Variants in NRXN3 observed in about 807,000 individuals in gnomAD.
The protein encoded by NRXN3 is neurexin 3.
Under a neutral mutation model 137.6 loss-of-function variants are expected in NRXN3, and 32 were observed. That is an observed-to-expected ratio of 0.23 (90% CI 0.18 to 0.31). The LOEUF (loss-of-function observed/expected upper bound fraction) is 0.31, where lower values mean the gene tolerates loss of function less well. NRXN3 is among the 10% of genes least tolerant of loss of function. The probability of loss-of-function intolerance (pLI) is 1.00; values close to 1 mark genes in which losing one functional copy is unlikely to be tolerated. For synonymous variants in NRXN3, 798 were observed against 784.5 expected (o/e 1.02, Z -0.29); for missense variants, 1,574 against 2,062.5 (o/e 0.76, Z 4.59).
At chr14:78,439,983 C>T (rs2094191704) in intron 4 of NRXN3, among the ~76,000 whole-genome samples, 1 of 152,242 alleles carries the variant, frequency 6.6e-6, no homozygotes. Context: ...TTCCTTTTGG[C>T]TGGAATCTTT....
chr14:79,833,035 A>T (rs1439082943), intron 20 of NRXN3, among the ~76,000 whole-genome samples: 1 of 152,150 alleles, frequency 6.6e-6, no homozygotes, highest in Non-Finnish European at 1.5e-5. Flanking sequence ...AATATAGATA[A>T]AGGAAATTGG....
intron 15 of NRXN3, among the ~76,000 whole-genome samples, chr14:79,257,346 G>T (rs1212030763): frequency 1.9e-5 from 1 of 54,006 alleles, no homozygotes; most frequent in Non-Finnish European, 3.7e-5. Flanking sequence ...CTTATTCCTG[G>T]TGGTGGTGGT....
At position 78,803,835 on chromosome 14, in the gene NRXN3, A is replaced by C. The variant is rs1297354821; in HGVS notation, c.2248+12A>C. 5.6e-6 allele frequency: 9 copies of C among 1,609,786 alleles called. No homozygotes were observed. The highest frequency in any genetic ancestry group is 7.6e-6 in the Non-Finnish European group (9 of 1,178,056). Reference sequence around the variant, plus strand: ...CATGGTTAACTTAGGTATCGTATGAAGTACCCTCTGCCACTTCGTTTGGGC... The same window carrying C: ...CATGGTTAACTTAGGTATCGTATGACGTACCCTCTGCCACTTCGTTTGGGC... On this transcript the variant is annotated intron_variant, in intron 9 of 20. Coordinates refer to ENST00000335750, the MANE Select transcript of NRXN3 (RefSeq NM_001330195.2).
At chr14:78,562,467 T>C (rs950794909) in intron 4 of NRXN3, among the ~76,000 whole-genome samples, 2 of 151,294 alleles carry the variant, frequency 1.3e-5, no homozygotes, top group African/African-American at 4.9e-5. Flanking sequence ...TTAACTGGCT[T>C]GGCAGCTTCT....
chr14:79,408,771 ACT>A, intron 15 of NRXN3, among the ~76,000 whole-genome samples: 1 of 151,424 alleles, frequency 6.6e-6, no homozygotes, highest in Non-Finnish European at 1.5e-5. Flanking sequence ...TCATCCCTAA[ACT>A]CTGTCCCTCT....
chr14:79,715,238 C>T (rs187231683), intron 19 of NRXN3, among the ~76,000 whole-genome samples: 15 of 152,304 alleles, frequency 9.8e-5, no homozygotes, highest in African/African-American at 2.6e-4. Flanking sequence ...CAGGCGTGAG[C>T]CACTGTGCCC....
intron 19 of NRXN3, among the ~76,000 whole-genome samples, chr14:79,788,955 A>G (rs545626119): frequency 6.6e-6 from 1 of 152,194 alleles, no homozygotes; most frequent in African/African-American, 2.4e-5. Flanking sequence ...CCAAAACATA[A>G]AGTTATGAAC....
At chr14:79,426,847 A>G (rs2095661577) in intron 15 of NRXN3, among the ~76,000 whole-genome samples, 1 of 152,224 alleles carries the variant, frequency 6.6e-6, no homozygotes, top group Non-Finnish European at 1.5e-5. Flanking sequence ...GCTATAAAAT[A>G]TCCTTACTCT....
intron 15 of NRXN3, among the ~76,000 whole-genome samples, chr14:79,112,176 T>G (rs1333470711): frequency 6.6e-6 from 1 of 152,186 alleles, no homozygotes; most frequent in Non-Finnish European, 1.5e-5. Context: ...CTATTAATCT[T>G]AAATGTTCCA....
At chr14:78,492,135 A>G (rs529030769) in intron 4 of NRXN3, among the ~76,000 whole-genome samples, 97 of 152,294 alleles carry the variant, frequency 6.4e-4, no homozygotes, top group African/African-American at 2.3e-3. Context: ...AATAGATATG[A>G]CATACATTAT....
intron 4 of NRXN3, among the ~76,000 whole-genome samples, chr14:78,314,097 A>G (rs1177484061): frequency 6.6e-6 from 1 of 152,172 alleles, no homozygotes; most frequent in East Asian, 1.9e-4. Context: ...GTCTGTACCA[A>G]ATGCCACTTA....
rs577790670 is a variant in NRXN3, at chr14:79,453,467, G to T, written c.3263-13754G>T. ...TTCTGGCTGAAGGCCAGAGAGAAAG[G>T]CAAGTAGCTGTATATTCAGTGGGTG... is the stretch of plus-strand genomic sequence containing the variant. On this transcript the variant is annotated intron_variant, in intron 15 of 20. Transcript: ENST00000335750. Among the ~76,000 whole-genome samples the T allele has an allele frequency of 4.6e-5, 7 of 152,314 alleles. No homozygotes were observed. In the South Asian group the frequency reaches 6.2e-4, roughly 14 times the overall value.
At chr14:78,893,152 A>T (rs1018841895) in intron 10 of NRXN3, among the ~76,000 whole-genome samples, 3 of 151,810 alleles carry the variant, frequency 2.0e-5, no homozygotes, top group Admixed American at 6.6e-5. Flanking sequence ...CCCCTGGGTC[A>T]GCCTGTATAT....
intron 15 of NRXN3, among the ~76,000 whole-genome samples, chr14:79,051,017 A>G (rs978127574): frequency 6.6e-6 from 1 of 152,190 alleles, no homozygotes; most frequent in Non-Finnish European, 1.5e-5. Context: ...ACAATATCCT[A>G]TGAGGGGATA....
intron 15 of NRXN3, among the ~76,000 whole-genome samples, chr14:79,208,414 G>T (rs1450794394): frequency 1.3e-5 from 2 of 151,914 alleles, no homozygotes; most frequent in African/African-American, 4.8e-5. Flanking sequence ...TTATTTTCTT[G>T]GCCAAAAGGG....
rs1444933403 is a variant in NRXN3 at position 78,966,365 on chromosome 14, T to C, written c.2736T>C (p.Ser912=). Residue 912 remains serine (S), a synonymous_variant, in exon 12 of 21, where the codon AGT becomes AGC. Transcript: ENST00000335750. ...TSPDGFILFN[S]GDGNDFIAVE... ...CAGATGGCTTCATTCTCTTCAATAG[T>C]GGTGATGGCAATGACTTCATTGCAG... The C allele has an allele frequency of 1.2e-6, 2 of 1,614,036 alleles. No individual in the cohort carries two copies. The highest frequency in any genetic ancestry group is 1.7e-6 in the Non-Finnish European group (2 of 1,179,926).
At position 79,175,448 on chromosome 14, in the gene NRXN3, T is replaced by A. The variant is rs184741780; in HGVS notation, c.3262+187307T>A. 5.2e-3 allele frequency among the ~76,000 whole-genome samples: 790 copies of A among 152,320 alleles called. 7 individuals are homozygous for A. The highest frequency in any genetic ancestry group is 0.018 in the African/African-American group (764 of 41,570). ...ATCACCAATCCTTTTCAGAGAAAAA[T>A]TTTATAAACTTACAAGTATCCATTG... On this transcript the variant is annotated intron_variant, in intron 15 of 20. Coordinates refer to ENST00000335750, the MANE Select transcript of NRXN3 (RefSeq NM_001330195.2).
chr14:79,022,855 C>T (rs2099591908), intron 15 of NRXN3, among the ~76,000 whole-genome samples: 1 of 152,130 alleles, frequency 6.6e-6, no homozygotes, highest in Admixed American at 6.6e-5. Flanking sequence ...TAATCAGGGC[C>T]CACATTACCT....
intron 4 of NRXN3, among the ~76,000 whole-genome samples, chr14:78,555,752 G>A (rs1424326122): frequency 6.6e-6 from 1 of 152,190 alleles, no homozygotes; most frequent in Non-Finnish European, 1.5e-5. Flanking sequence ...GTAAGGGCTG[G>A]CAGTGGAATA....
Sources: allele counts gnomAD v4.1 joint callset (sites outside exome capture counted in the v4.1 genomes callset), GRCh38; gene constraint gnomAD v4.1.1; transcripts MANE v1.5; gene names NCBI Gene and HGNC (gene_info 2026-07-23, HGNC 2026-07-21).